Variants in AMBRA1 observed in about 807,000 individuals in gnomAD.
AMBRA1 encodes autophagy and beclin 1 regulator 1.
A neutral mutation model predicts 125.4 loss-of-function variants in AMBRA1; 47 were observed. The observed-to-expected ratio is 0.37, with a 90% confidence interval of 0.30 to 0.48. AMBRA1 has a LOEUF of 0.48. Among genes scored for constraint, AMBRA1 ranks in the 20% least tolerant of loss-of-function variants. The probability of loss-of-function intolerance (pLI) is 0.99; values close to 1 mark genes in which losing one functional copy is unlikely to be tolerated. For missense variants in AMBRA1, 1,331 were observed against 1,693.4 expected, an observed-to-expected ratio of 0.79 and a Z score of 3.76; for synonymous variants, 626 against 655.5, an observed-to-expected ratio of 0.95 and a Z score of 0.69.
chr11:46,447,329 G>C (rs892253860), intron 11 of AMBRA1, among the ~76,000 whole-genome samples: 10 of 152,044 alleles, frequency 6.6e-5, no homozygotes, highest in Non-Finnish European at 1.5e-4. Context: ...GAGGTCAGGA[G>C]TTCGAGACCA....
intron 9 of AMBRA1, among the ~76,000 whole-genome samples, chr11:46,507,495 A>C (rs1013010894): frequency 1.3e-5 from 2 of 151,882 alleles, no homozygotes; most frequent in Admixed American, 6.6e-5. Flanking sequence ...AAAAAAAAAA[A>C]AGATTGGCTA....
At chr11:46,505,176 T>C (rs1318374015) in intron 9 of AMBRA1, among the ~76,000 whole-genome samples, 3 of 152,226 alleles carry the variant, frequency 2.0e-5, no homozygotes, top group Non-Finnish European at 2.9e-5. Context: ...GAAAAAAATA[T>C]AAATCGTGAC....
chr11:46,424,347 A>T (rs1590767783), intron 14 of AMBRA1, among the ~76,000 whole-genome samples: 1 of 152,078 alleles, frequency 6.6e-6, no homozygotes, highest in East Asian at 1.9e-4. Context: ...TGATTTGCTG[A>T]TTCCTACAAA....
chr11:46,506,674 G>A (rs1221076838), intron 9 of AMBRA1, among the ~76,000 whole-genome samples: 3 of 152,170 alleles, frequency 2.0e-5, no homozygotes, highest in African/African-American at 7.2e-5. Context: ...GAAGAAGGAG[G>A]AAGAAATAAT....
At chr11:46,436,808 A>G (rs1947742994) in intron 12 of AMBRA1, among the ~76,000 whole-genome samples, 1 of 152,248 alleles carries the variant, frequency 6.6e-6, no homozygotes, top group Non-Finnish European at 1.5e-5. Context: ...TCAGAAAAAT[A>G]AACAGAAACT....
intron 14 of AMBRA1, among the ~76,000 whole-genome samples, chr11:46,419,248 G>A (rs1946725575): frequency 6.6e-6 from 1 of 152,170 alleles, no homozygotes; most frequent in South Asian, 2.1e-4. Flanking sequence ...TGGGCTGAAG[G>A]TAAACTATGG....
rs140375378 is a variant in AMBRA1 at position 46,418,030 on chromosome 11, G to A, written c.2999C>T (p.Pro1000Leu). 9.4e-6 allele frequency: 15 copies of A among 1,603,058 alleles called. No individual in the cohort carries two copies. The highest frequency in any genetic ancestry group is 1.7e-6 in the Non-Finnish European group (2 of 1,172,494). ...ATGTCTCCGCTGGTCGGCAGGCATG[G>A]GATAAAGGACGTTGAAAACTCTCTA... ...SMRRVFNVLY[P>L]MPADQRRHVS... The change falls in exon 15 of 18, where the codon CCC (proline) becomes CTC (leucine). Residue 1000 changes from proline to leucine, a missense_variant. Coordinates refer to ENST00000683756, the MANE Select transcript of AMBRA1 (RefSeq NM_001387011.1).
At chr11:46,417,860 C>T in intron 15 of AMBRA1, 53 bp downstream of exon 15, 1 of 1,542,956 alleles carries the variant, frequency 6.5e-7, no homozygotes, top group East Asian at 2.4e-5. Flanking sequence ...ATACTGATTA[C>T]CCCAGTCCTC....
At chr11:46,483,589 T>A (rs976366736) in intron 11 of AMBRA1, among the ~76,000 whole-genome samples, 2 of 152,202 alleles carry the variant, frequency 1.3e-5, no homozygotes, top group African/African-American at 4.8e-5. Flanking sequence ...AAAGCTGATG[T>A]GAGCCCAGGG....
intron 17 of AMBRA1, among the ~76,000 whole-genome samples, chr11:46,400,481 T>G (rs1471806936): frequency 4.6e-5 from 3 of 65,378 alleles, no homozygotes; most frequent in African/African-American, 9.2e-5. Flanking sequence ...TAGTTTTTTT[T>G]TTTTTTTTTT....
chr11:46,538,272 C>T (rs753482143), intron 7 of AMBRA1, among the ~76,000 whole-genome samples: 13 of 152,076 alleles, frequency 8.5e-5, no homozygotes, highest in Admixed American at 2.0e-4. Context: ...AATAATGTAA[C>T]TACTGTATTA....
At chr11:46,561,570 G>C (rs1381639151) in intron 1 of AMBRA1, among the ~76,000 whole-genome samples, 3 of 152,236 alleles carry the variant, frequency 2.0e-5, no homozygotes, top group Non-Finnish European at 4.4e-5. Context: ...TTTGAATTCA[G>C]GCTTTTCCTT....
intron 1 of AMBRA1, among the ~76,000 whole-genome samples, chr11:46,576,398 G>A (rs932265546): frequency 1.3e-5 from 2 of 152,122 alleles, no homozygotes; most frequent in African/African-American, 4.8e-5. Flanking sequence ...AAAGTCCTGG[G>A]ATTATGGGCA....
intron 9 of AMBRA1, among the ~76,000 whole-genome samples, chr11:46,495,830 C>T (rs557268251): frequency 2.6e-5 from 4 of 152,236 alleles, no homozygotes; most frequent in Middle Eastern, 3.4e-3. Context: ...TTTTCATTAT[C>T]GTATATTTCA....
At chr11:46,567,594 C>CA (rs2043579639) in intron 1 of AMBRA1, among the ~76,000 whole-genome samples, 1 of 151,966 alleles carries the variant, frequency 6.6e-6, no homozygotes. Context: ...CTCCTGGCCT[C>CA]AAGTGATTCG....
intron 9 of AMBRA1, among the ~76,000 whole-genome samples, chr11:46,502,742 T>C (rs1227032420): frequency 6.6e-6 from 1 of 152,120 alleles, no homozygotes; most frequent in Non-Finnish European, 1.5e-5. Context: ...GCTTTTTAAG[T>C]TATATCAAAG....
chr11:46,543,434 C>T, intron 6 of AMBRA1, 36 bp from the exon 7 acceptor site: 1 of 1,599,134 alleles, frequency 6.3e-7, no homozygotes, highest in Non-Finnish European at 8.5e-7. Context: ...GGGGGTAGAG[C>T]AAGGCAGTTA....
intron 14 of AMBRA1, 120 bp from the exon 15 acceptor site, chr11:46,418,172 C>A (rs1457089818): frequency 6.4e-6 from 5 of 782,816 alleles, no homozygotes; most frequent in Non-Finnish European, 8.5e-6. Context: ...AGGCTGGGAA[C>A]AGGATGACTC....
intron 14 of AMBRA1, among the ~76,000 whole-genome samples, chr11:46,423,423 G>C (rs1489786299): frequency 6.6e-6 from 1 of 151,290 alleles, no homozygotes; most frequent in Non-Finnish European, 1.5e-5. Context: ...ATGGAGTCTC[G>C]CTCTGTCACC....
Sources: allele counts gnomAD v4.1 joint callset (sites outside exome capture counted in the v4.1 genomes callset), GRCh38; gene constraint gnomAD v4.1.1; transcripts MANE v1.5; gene names NCBI Gene and HGNC (gene_info 2026-07-23, HGNC 2026-07-21).